Variants in LMBR1 observed in about 807,000 individuals in gnomAD.
LMBR1 encodes limb development membrane protein 1, also known as limb region 1 protein homolog.
LMBR1 carries 52 observed loss-of-function variants against 73.9 expected under a neutral mutation model. The observed-to-expected ratio is 0.70, with a 90% CI of 0.56 to 0.89. The LOEUF is 0.89. Among genes scored for constraint, LMBR1 ranks in the 40% least tolerant of loss-of-function variants. LMBR1 has a pLI of 0.00. For missense variants in LMBR1, 539 were observed against 579.8 expected, an observed-to-expected ratio of 0.93 and a Z score of 0.72; for synonymous variants, 215 against 209.4, an observed-to-expected ratio of 1.03 and a Z score of -0.23.
At chr7:156,878,663 C>CA (rs1321849262) in intron 1 of LMBR1, among the ~76,000 whole-genome samples, 4 of 152,116 alleles carry the variant, frequency 2.6e-5, no homozygotes, top group African/African-American at 9.7e-5. Flanking sequence ...CAATTCCCAT[C>CA]AAAATACCAC....
chr7:156,892,794 G>A (rs1376976827), intron 1 of LMBR1, 134 bp downstream of exon 1: 6 of 447,742 alleles, frequency 1.3e-5, no homozygotes, highest in African/African-American at 2.5e-5. Flanking sequence ...GGGAGGGAGA[G>A]CGGCAGAGGC....
chr7:156,821,118 C>T (rs1439705740), intron 4 of LMBR1, among the ~76,000 whole-genome samples: 3 of 152,204 alleles, frequency 2.0e-5, no homozygotes, highest in Non-Finnish European at 2.9e-5. Context: ...GAATGTTTTC[C>T]GACCCACCAA....
At chr7:156,744,325 T>C (rs887891188) in intron 9 of LMBR1, among the ~76,000 whole-genome samples, 12 of 151,846 alleles carry the variant, frequency 7.9e-5, no homozygotes, top group Admixed American at 5.2e-4. Context: ...AATTTTTCTA[T>C]GTGAAAGTTT....
At chr7:156,729,940 T>C (rs958729486) in intron 10 of LMBR1, among the ~76,000 whole-genome samples, 1 of 152,162 alleles carries the variant, frequency 6.6e-6, no homozygotes, top group South Asian at 2.1e-4. Context: ...ATCAAGACAA[T>C]GAAAATTGAG....
In LMBR1 at chr7:156,705,880, C is replaced by T. The variant is rs548636181; in HGVS notation, c.1226-17689G>A. Among the ~76,000 whole-genome samples, 5 of 152,102 alleles carry T rather than the reference C, an allele frequency of 3.3e-5. No homozygotes were observed. In the South Asian group the frequency reaches 1.0e-3, roughly 32 times the overall value. Reference sequence around the variant, plus strand: ...AGAGAAAAAGATAACAAAGAACTTACAAAACTAGAAAACAATGAAAAAATA... The same window carrying T: ...AGAGAAAAAGATAACAAAGAACTTATAAAACTAGAAAACAATGAAAAAATA... On this transcript the variant is annotated intron_variant, in intron 15 of 16. Coordinates refer to ENST00000353442, the MANE Select transcript of LMBR1 (RefSeq NM_022458.4).
In LMBR1 at chr7:156,893,118, T is replaced by C. The variant is rs1803481465; in HGVS notation, c.-125A>G. 7.3e-6 allele frequency: 7 copies of C among 961,050 alleles called. No homozygotes were observed. The South Asian group carries it at 2.1e-4, about 28-fold the overall frequency. 59.5% of individuals were successfully genotyped at this position (961,050 alleles called of 1,614,324 possible). On this transcript the variant is annotated 5_prime_UTR_variant, in exon 1 of 17. Coordinates refer to ENST00000353442, the MANE Select transcript of LMBR1 (RefSeq NM_022458.4). ...GCCGGCACGGGCCCGCGAGCCGTGT[T>C]GGAACAGGTACCGCGACCACGACAC...
chr7:156,870,429 C>G (rs879398583), intron 1 of LMBR1, among the ~76,000 whole-genome samples: 1 of 152,114 alleles, frequency 6.6e-6, no homozygotes, highest in Non-Finnish European at 1.5e-5. Flanking sequence ...ACACCACATT[C>G]TGAACACCCA....
chr7:156,798,989 C>T (rs1256393549), intron 4 of LMBR1, among the ~76,000 whole-genome samples: 2 of 150,376 alleles, frequency 1.3e-5, no homozygotes, highest in African/African-American at 2.5e-5. Flanking sequence ...GTCAGGAGTT[C>T]GAGACCAGCC....
chr7:156,736,274 T>G (rs966188502), intron 9 of LMBR1, among the ~76,000 whole-genome samples: 14 of 152,290 alleles, frequency 9.2e-5, no homozygotes, highest in African/African-American at 3.4e-4. Flanking sequence ...GTAGCAAAAA[T>G]GATAAATACA....
chr7:156,870,722 G>A (rs1219989220), intron 1 of LMBR1, among the ~76,000 whole-genome samples: 4 of 150,876 alleles, frequency 2.7e-5, no homozygotes, highest in African/African-American at 9.7e-5. Context: ...CCGAGATCGC[G>A]GCACAACCTG....
chr7:156,867,545 T>A (rs1798638765), intron 1 of LMBR1, among the ~76,000 whole-genome samples: 1 of 152,208 alleles, frequency 6.6e-6, no homozygotes, highest in Non-Finnish European at 1.5e-5. Flanking sequence ...ATATGTGACA[T>A]ATCCAAGTAA....
chr7:156,740,613 A>G (rs970657267), intron 9 of LMBR1, among the ~76,000 whole-genome samples: 4 of 152,218 alleles, frequency 2.6e-5, no homozygotes, highest in South Asian at 2.1e-4. Flanking sequence ...TGCTGAGGGA[A>G]AAACACTTAC....
intron 1 of LMBR1, among the ~76,000 whole-genome samples, chr7:156,852,671 C>G (rs1246408463): frequency 6.6e-6 from 1 of 152,132 alleles, no homozygotes; most frequent in African/African-American, 2.4e-5. Flanking sequence ...CAATGTCCCC[C>G]CCAGGAGACA....
At chr7:156,853,199 A>G (rs1414285096) in intron 1 of LMBR1, among the ~76,000 whole-genome samples, 1 of 152,082 alleles carries the variant, frequency 6.6e-6, no homozygotes, top group Non-Finnish European at 1.5e-5. Flanking sequence ...TGGCCTCCCA[A>G]AGTGCTGGAA....
intron 1 of LMBR1, among the ~76,000 whole-genome samples, chr7:156,850,422 T>C (rs1796077386): frequency 6.6e-6 from 1 of 152,240 alleles, no homozygotes; most frequent in Non-Finnish European, 1.5e-5. Context: ...AATGTGTTTA[T>C]TAAATTCAAT....
chr7:156,760,033 C>T (rs1462151818), intron 8 of LMBR1, among the ~76,000 whole-genome samples: 20 of 152,084 alleles, frequency 1.3e-4, no homozygotes, highest in African/African-American at 4.1e-4. Flanking sequence ...CCAGGGGTGA[C>T]TCAGGTCAAA....
chr7:156,811,088 G>T (rs542686057), intron 4 of LMBR1, among the ~76,000 whole-genome samples: 1 of 152,190 alleles, frequency 6.6e-6, no homozygotes, highest in Non-Finnish European at 1.5e-5. Flanking sequence ...CAGGATTACA[G>T]GCATGAGCCA....
At chr7:156,721,730 C>T (rs1288404790) in intron 15 of LMBR1, among the ~76,000 whole-genome samples, 1 of 152,048 alleles carries the variant, frequency 6.6e-6, no homozygotes, top group African/African-American at 2.4e-5. Context: ...ATCATTTATA[C>T]TAATTCTACT....
intron 9 of LMBR1, among the ~76,000 whole-genome samples, chr7:156,754,636 T>C (rs1167085890): frequency 6.6e-6 from 1 of 152,232 alleles, no homozygotes; most frequent in East Asian, 1.9e-4. Flanking sequence ...CTCTTTACTT[T>C]TGTTTTATAA....
Sources: allele counts gnomAD v4.1 joint callset (sites outside exome capture counted in the v4.1 genomes callset), GRCh38; gene constraint gnomAD v4.1.1; transcripts MANE v1.5; gene names NCBI Gene and HGNC (gene_info 2026-07-23, HGNC 2026-07-21).